VWDE: variants seen among roughly 807,000 people sequenced by gnomAD.
The protein encoded by VWDE is von Willebrand factor D and EGF domains.
In VWDE, 207 loss-of-function variants were observed where a neutral mutation model predicts 178.4. The observed-to-expected ratio is 1.16, with a 90% CI of 1.04 to 1.30. VWDE has a LOEUF of 1.30. Ranked by LOEUF, VWDE falls within the 50% of genes most tolerant of loss-of-function variation. VWDE has a pLI of 0.00. For synonymous variants in VWDE, 738 were observed against 651.4 expected, an observed-to-expected ratio of 1.13 and a Z score of -2.02; for missense variants, 2,287 against 1,901.3, an observed-to-expected ratio of 1.20 and a Z score of -3.77.
chr7:12,356,027 G>A (rs1782222914), intron 18 of VWDE, 84 bp downstream of exon 18: 10 of 1,020,588 alleles, frequency 9.8e-6, no homozygotes, highest in South Asian at 1.6e-5. Context: ...AAATCTTTAG[G>A]ACCACACATT....
Position 12,380,717 on chromosome 7 carries a change from T to C in VWDE, c.558A>G (p.Ser186=). ...GGDCVRQLAA[S]LPPPPAGRPE... is the part of the protein sequence containing the mutation. ...GCCTTCCTGCAGGTGGAGGTGGCAATGAGGCAGCCAGCTGACCTGGGGAGA... is the reference window on the plus strand; with the variant it reads ...GCCTTCCTGCAGGTGGAGGTGGCAACGAGGCAGCCAGCTGACCTGGGGAGA... Residue 186 remains serine (S), a synonymous_variant, in exon 5 of 29, where the codon TCA becomes TCG. Coordinates refer to ENST00000275358, the MANE Select transcript of VWDE (RefSeq NM_001135924.3). 6.4e-7 allele frequency: 1 copy of C among 1,551,778 alleles called. No individual in the cohort carries two copies. Among genetic ancestry groups the C allele is most frequent in the Non-Finnish European group, 8.7e-7 (1 of 1,146,978 alleles).
At chr7:12,374,949 G>A in intron 8 of VWDE, 61 bp downstream of exon 8, 1 of 1,463,252 alleles carries the variant, frequency 6.8e-7, no homozygotes, top group Non-Finnish European at 9.3e-7. Context: ...AAGACATAAT[G>A]ATAAAATACA....
In VWDE at chr7:12,374,868, T is replaced by C. The variant is rs570776089; in HGVS notation, c.1243-106A>G. Reference sequence around the variant, plus strand: ...CAAACTTTCAATTAATTATTGTTTTTATCATAGTTATTGAAAATTGAATCA... The same window carrying C: ...CAAACTTTCAATTAATTATTGTTTTCATCATAGTTATTGAAAATTGAATCA... On this transcript the variant is annotated intron_variant, in intron 8 of 28. Transcript: ENST00000275358. 3 of 1,151,344 alleles carry C rather than the reference T, an allele frequency of 2.6e-6. No individual in the cohort carries two copies. In the African/African-American group the frequency reaches 4.7e-5, roughly 18 times the overall value. 71.3% of individuals were successfully genotyped at this position (1,151,344 alleles called of 1,614,324 possible).
At chr7:12,384,532 A>G (rs184379162) in intron 3 of VWDE, among the ~76,000 whole-genome samples, 65 of 152,192 alleles carry the variant, frequency 4.3e-4, no homozygotes, top group African/African-American at 1.4e-3. Flanking sequence ...TAGGTCATCA[A>G]TTATAACAAA....
At chr7:12,363,100 A>G (rs1053746230) in intron 13 of VWDE, among the ~76,000 whole-genome samples, 1 of 152,146 alleles carries the variant, frequency 6.6e-6, no homozygotes, top group African/African-American at 2.4e-5. Flanking sequence ...AAAATGACAG[A>G]CAATATATAA....
At chr7:12,396,834 C>T (rs922923921) in intron 1 of VWDE, among the ~76,000 whole-genome samples, 1 of 152,030 alleles carries the variant, frequency 6.6e-6, no homozygotes, top group Non-Finnish European at 1.5e-5. Flanking sequence ...ACTCGGGAGG[C>T]TGAGGCAGGA....
At chr7:12,372,616 C>T (rs1414613827) in intron 10 of VWDE, among the ~76,000 whole-genome samples, 1 of 152,058 alleles carries the variant, frequency 6.6e-6, no homozygotes, top group Admixed American at 6.6e-5. Flanking sequence ...CACTTATCTA[C>T]CACTGTATTC....
chr7:12,375,623 C>T (rs982771054), intron 7 of VWDE, among the ~76,000 whole-genome samples: 1 of 151,880 alleles, frequency 6.6e-6, no homozygotes, highest in African/African-American at 2.4e-5. Context: ...GGCCCAGATA[C>T]TTCTGTAATA....
chr7:12,391,230 A>T (rs562726180), intron 2 of VWDE, among the ~76,000 whole-genome samples: 18 of 152,358 alleles, frequency 1.2e-4, no homozygotes, highest in Non-Finnish European at 2.4e-4. Flanking sequence ...ATGTTGTTCC[A>T]TTCCTGTTCT....
At chr7:12,368,217 T>C (rs1782968842) in intron 12 of VWDE, among the ~76,000 whole-genome samples, 1 of 149,474 alleles carries the variant, frequency 6.7e-6, no homozygotes, top group East Asian at 1.9e-4. Flanking sequence ...TCATGTAATT[T>C]GCATTCTAGA....
chr7:12,374,869 A>G, intron 8 of VWDE, 107 bp from the exon 9 acceptor site: 1 of 1,151,908 alleles, frequency 8.7e-7, no homozygotes, highest in Non-Finnish European at 1.2e-6. Flanking sequence ...TATTGTTTTT[A>G]TCATAGTTAT....
chr7:12,387,764 T>C lies in VWDE; in HGVS notation c.475+1363A>G, dbSNP rs561857044. Among the ~76,000 whole-genome samples, 5 of 152,256 alleles carry C rather than the reference T, an allele frequency of 3.3e-5. No individual in the cohort carries two copies. In the East Asian group the frequency reaches 7.7e-4, roughly 24 times the overall value. ...ATGAGTGTTACCCATATAATCATCA[T>C]TGTTGCTCAATCAAGTGTTCATCTG... On this transcript the variant is annotated intron_variant, in intron 3 of 28. Transcript: ENST00000275358.
At chr7:12,402,732 T>A (rs974495386) in intron 1 of VWDE, among the ~76,000 whole-genome samples, 4 of 152,162 alleles carry the variant, frequency 2.6e-5, no homozygotes, top group African/African-American at 9.7e-5. Flanking sequence ...TAAATTTGAT[T>A]TTAGTATTTT....
intron 4 of VWDE, among the ~76,000 whole-genome samples, chr7:12,381,272 G>A (rs1306404683): frequency 6.6e-6 from 1 of 152,042 alleles, no homozygotes; most frequent in Non-Finnish European, 1.5e-5. Flanking sequence ...GAAATTTGAA[G>A]TTTCCTCTAA....
chr7:12,394,102 C>G (rs1445743418), intron 1 of VWDE, among the ~76,000 whole-genome samples: 2 of 152,134 alleles, frequency 1.3e-5, no homozygotes, highest in African/African-American at 2.4e-5. Flanking sequence ...GTCACAGGAC[C>G]TACAAGGATT....
chr7:12,352,633 A>G (rs1288417338), intron 18 of VWDE, among the ~76,000 whole-genome samples: 1 of 152,212 alleles, frequency 6.6e-6, no homozygotes, highest in Non-Finnish European at 1.5e-5. Flanking sequence ...GGGATGGGAT[A>G]TTCAGGAGTA....
intron 4 of VWDE, 76 bp downstream of exon 4, chr7:12,383,460 G>C: frequency 8.6e-7 from 1 of 1,160,796 alleles, no homozygotes; most frequent in East Asian, 2.6e-5. Flanking sequence ...AACATCCAAA[G>C]CTGCAGAATA....
chr7:12,402,606 A>G (rs939084222), intron 1 of VWDE, among the ~76,000 whole-genome samples: 1 of 152,194 alleles, frequency 6.6e-6, no homozygotes, highest in Admixed American at 6.5e-5. Flanking sequence ...TATTTATCTA[A>G]CTGTAATGAA....
rs1359256759 is a variant in VWDE at position 12,361,242 on chromosome 7, C to T, written c.3064G>A (p.Asp1022Asn). Reference protein sequence around the residue: ...TGKWQLKVSNDGYKFSNPKIT... With the variant: ...TGKWQLKVSNNGYKFSNPKIT... ...TTGGGATTACTGAATTTATAACCAT[C>T]ATTAGATACCTGTAACATAATAGTT... is the stretch of plus-strand genomic sequence containing the variant. The change falls in exon 15 of 29, where the codon GAT (aspartate) becomes AAT (asparagine). Residue 1022 changes from aspartate to asparagine, a missense_variant. Physicochemically the swap from Asp to Asn is conservative, Grantham distance 23. Coordinates refer to ENST00000275358, the MANE Select transcript of VWDE (RefSeq NM_001135924.3). The T allele has an allele frequency of 1.9e-6, 3 of 1,544,202 alleles. No individual in the cohort carries two copies. Among genetic ancestry groups the T allele is most frequent in the Non-Finnish European group, 2.6e-6 (3 of 1,141,784 alleles).
Sources: gnomAD v4.1 joint callset for allele counts (sites outside exome capture counted in the v4.1 genomes callset) on GRCh38, gnomAD v4.1.1 for gene constraint, MANE v1.5 for transcripts, NCBI Gene and HGNC (gene_info 2026-07-23, HGNC 2026-07-21) for gene names.